DEFB1: variants seen among roughly 807,000 people sequenced by gnomAD.
DEFB1 encodes defensin beta 1.
DEFB1 carries 4 observed loss-of-function variants against 2.6 expected under a neutral mutation model. The observed-to-expected ratio is 1.53, with a 90% CI of 0.76 to 3.51. The LOEUF is 3.51. Among genes scored for constraint, DEFB1 ranks in the 30% most tolerant of loss-of-function variants. DEFB1 has a pLI of 0.01. For missense variants in DEFB1, 162 were observed against 76.9 expected (o/e 2.11, Z -4.14); for synonymous variants, 56 against 28.5 (o/e 1.96, Z -3.07).
chr8:6,871,779 A>G (rs889607978), intron 1 of DEFB1, among the ~76,000 whole-genome samples: 2 of 152,216 alleles, frequency 1.3e-5, no homozygotes, highest in African/African-American at 2.4e-5. Context: ...AGCCAAGGAC[A>G]GACACCTGAG....
chr8:6,873,204 G>A (rs1412107068), intron 1 of DEFB1, among the ~76,000 whole-genome samples: 1 of 152,206 alleles, frequency 6.6e-6, no homozygotes, highest in African/African-American at 2.4e-5. Flanking sequence ...GTCCAGTGAT[G>A]TCCCCAGAGC....
intron 1 of DEFB1, 53 bp downstream of exon 1, chr8:6,877,744 C>G: frequency 2.0e-6 from 3 of 1,505,786 alleles, no homozygotes; most frequent in Non-Finnish European, 2.8e-6. Flanking sequence ...TCACATCAGC[C>G]CCATTGTCCC....
Position 6,876,288 on chromosome 8 carries a change from A to T in DEFB1, c.61+1509T>A, listed in dbSNP as rs193169286. On this transcript the variant is annotated intron_variant, in intron 1 of 1. Transcript: ENST00000297439. The stretch of plus-strand genomic sequence containing the variant: ...TCAGGAGTTAAAGACCAGCATGACC[A>T]GCATGGTGAAACCCCGTCTGTACTA... 1.7e-3 allele frequency among the ~76,000 whole-genome samples: 262 copies of T among 152,274 alleles called. 3 individuals carry two copies. Among genetic ancestry groups the T allele is most frequent in the African/African-American group, 5.9e-3 (245 of 41,550 alleles).
rs184929022 is a variant in DEFB1, at chr8:6,871,931, A to C, written c.62-1105T>G. 2.4e-3 allele frequency among the ~76,000 whole-genome samples: 372 copies of C among 152,272 alleles called. 1 individual carries two copies. The highest frequency in any genetic ancestry group is 6.8e-3 in the Middle Eastern group (2 of 294). On this transcript the variant is annotated intron_variant, in intron 1 of 1. Coordinates refer to ENST00000297439, the MANE Select transcript of DEFB1 (RefSeq NM_005218.4). ...TCTGGTAGCCTGAGCGGACTAATAC[A>C]AGAGGCCATCGCTACCCTAGGAGAC... is the stretch of plus-strand genomic sequence containing the variant.
intron 1 of DEFB1, among the ~76,000 whole-genome samples, chr8:6,872,227 C>G (rs1229048602): frequency 7.9e-5 from 12 of 152,016 alleles, no homozygotes. Context: ...GTTCCGCCAA[C>G]CAAGGTAAAT....
At position 6,877,780 on chromosome 8, in the gene DEFB1, C is replaced by T; in HGVS notation, c.61+17G>A. The T allele has an allele frequency of 6.2e-7, 1 of 1,610,906 alleles. No homozygotes were observed. The highest frequency in any genetic ancestry group is 8.5e-7 in the Non-Finnish European group (1 of 1,177,404). ...CAGCCCTGGGGATGGGAAACTCTTG[C>T]AGGTACCAGAGCTTACCTGAGGCCA... is the stretch of plus-strand genomic sequence containing the variant. On this transcript the variant is annotated intron_variant, in intron 1 of 1. Transcript: ENST00000297439.
At chr8:6,876,872 C>T (rs890108476) in intron 1 of DEFB1, among the ~76,000 whole-genome samples, 16 of 149,126 alleles carry the variant, frequency 1.1e-4, no homozygotes, top group African/African-American at 3.7e-4. Context: ...AAACAAAATC[C>T]ATTGTAGCAA....
chr8:6,873,726 C>T (rs1017021974), intron 1 of DEFB1, among the ~76,000 whole-genome samples: 2 of 136,242 alleles, frequency 1.5e-5, no homozygotes, highest in East Asian at 2.2e-4. Context: ...GTACTATGCT[C>T]ATTACCTGGG....
chr8:6,876,349 A>G (rs2741130), intron 1 of DEFB1, among the ~76,000 whole-genome samples: 63,623 of 151,802 alleles, frequency 0.42, 13,597 homozygotes, highest in Non-Finnish European at 0.44. Flanking sequence ...GGTGGCATGC[A>G]CCTGTAATCC....
In DEFB1 at chr8:6,870,816, A is replaced by G; in HGVS notation, c.72T>C (p.Phe24=). Residue 24 remains phenylalanine (F), a synonymous_variant, in exon 2 of 2, where the codon TTT becomes TTC. Transcript: ENST00000297439. ...CAGATCTGTGGCCAAGGCCTGTGAG[A>G]AAGTTACCACCTGTAAGGAGGGAAC... is the stretch of plus-strand genomic sequence containing the variant. ...LLSEMASGGN[F]LTGLGHRSDH... is the part of the protein sequence containing the mutation. 6.2e-7 allele frequency: 1 copy of G among 1,613,074 alleles called. No individual in the cohort carries two copies.
intron 1 of DEFB1, among the ~76,000 whole-genome samples, chr8:6,876,923 C>G (rs191271220): frequency 2.7e-5 from 4 of 150,248 alleles, no homozygotes; most frequent in African/African-American, 7.3e-5. Context: ...TGCTTTTGTA[C>G]TCAGCTTTCA....
Position 6,871,755 on chromosome 8 carries a change from G to A in DEFB1, c.62-929C>T, listed in dbSNP as rs116734938. 7.1e-3 allele frequency among the ~76,000 whole-genome samples: 1,080 copies of A among 152,280 alleles called. 15 individuals are homozygous for A. The highest frequency in any genetic ancestry group is 0.023 in the African/African-American group (958 of 41,550). On this transcript the variant is annotated intron_variant, in intron 1 of 1. Coordinates refer to ENST00000297439, the MANE Select transcript of DEFB1 (RefSeq NM_005218.4). The stretch of plus-strand genomic sequence containing the variant: ...AGACCATGTGAGGACCCAGGGAGGC[G>A]GCGGTCATCTACCAGCCAAGGACAG...
chr8:6,870,843 C>CA lies in DEFB1; in HGVS notation c.62-18dup. On this transcript the variant is annotated splice_polypyrimidine_tract_variant and intron_variant, in intron 1 of 1. Coordinates refer to ENST00000297439, the MANE Select transcript of DEFB1 (RefSeq NM_005218.4). ...AGTTACCACCTGTAAGGAGGGAACA[C>CA]AAACACTTCAGACTCATGGCTTGTA... 1 of 1,606,204 alleles carries CA rather than the reference C, an allele frequency of 6.2e-7. No homozygotes were observed. The highest frequency in any genetic ancestry group is 8.5e-7 in the Non-Finnish European group (1 of 1,176,538).
intron 1 of DEFB1, 143 bp from the exon 2 acceptor site, chr8:6,870,969 G>A: frequency 1.1e-6 from 1 of 937,816 alleles, no homozygotes; most frequent in Non-Finnish European, 1.5e-6. Flanking sequence ...TGATCTTTGG[G>A]GCTACTCATG....
chr8:6,872,695 T>C (rs2117210118), intron 1 of DEFB1, among the ~76,000 whole-genome samples: 1 of 152,366 alleles, frequency 6.6e-6, no homozygotes. Context: ...CATTTGTTCA[T>C]ACAAAACACA....
chr8:6,876,428 G>T (rs879752820), intron 1 of DEFB1, among the ~76,000 whole-genome samples: 1 of 152,132 alleles, frequency 6.6e-6, no homozygotes, highest in African/African-American at 2.4e-5. Flanking sequence ...AGTGAGCTGA[G>T]ATTGTGCCAT....
chr8:6,875,558 A>G (rs1806493211), intron 1 of DEFB1, among the ~76,000 whole-genome samples: 1 of 152,240 alleles, frequency 6.6e-6, no homozygotes, highest in Non-Finnish European at 1.5e-5. Context: ...TTAAAACTCC[A>G]GTGAGCTATT....
At chr8:6,871,591 G>A (rs1806317463) in intron 1 of DEFB1, among the ~76,000 whole-genome samples, 1 of 152,172 alleles carries the variant, frequency 6.6e-6, no homozygotes, top group South Asian at 2.1e-4. Flanking sequence ...AGCCCTAACA[G>A]TGCCTCAGAA....
chr8:6,874,003 G>C (rs1258044935), intron 1 of DEFB1, among the ~76,000 whole-genome samples: 1 of 152,214 alleles, frequency 6.6e-6, no homozygotes, highest in Non-Finnish European at 1.5e-5. Flanking sequence ...GCCTGTGTCT[G>C]TTTCTCTTAC....
Sources: gnomAD v4.1 joint callset for allele counts (sites outside exome capture counted in the v4.1 genomes callset) on GRCh38, gnomAD v4.1.1 for gene constraint, MANE v1.5 for transcripts, NCBI Gene and HGNC (gene_info 2026-07-23, HGNC 2026-07-21) for gene names.